NPAS2: variants seen among roughly 807,000 people sequenced by gnomAD.
NPAS2 encodes the protein neuronal PAS domain-containing protein 2.
Under a neutral mutation model 107.5 loss-of-function variants are expected in NPAS2, and 23 were observed. The observed-to-expected ratio is 0.21, with a 90% CI of 0.15 to 0.30. The LOEUF (loss-of-function observed/expected upper bound fraction) is 0.30. NPAS2 is among the 10% of genes least tolerant of loss of function. The pLI, the probability that NPAS2 is intolerant of heterozygous loss-of-function variation, is 1.00. For synonymous variants in NPAS2, 403 were observed against 417.5 expected, an observed-to-expected ratio of 0.97 and a Z score of 0.42; for missense variants, 756 against 1,043.3, an observed-to-expected ratio of 0.72 and a Z score of 3.79.
chr2:100,942,074 T>C (rs1470154424), intron 5 of NPAS2, among the ~76,000 whole-genome samples: 2 of 152,136 alleles, frequency 1.3e-5, no homozygotes, highest in African/African-American at 2.4e-5. Context: ...GTGAGAACTA[T>C]GTGCATGGAT....
intron 1 of NPAS2, among the ~76,000 whole-genome samples, chr2:100,849,295 G>T (rs1363296377): frequency 6.6e-6 from 1 of 152,190 alleles, no homozygotes; most frequent in African/African-American, 2.4e-5. Flanking sequence ...CCTAAATAGG[G>T]TCTTTAGCTA....
chr2:100,887,839 G>T (rs1004411790), intron 1 of NPAS2, among the ~76,000 whole-genome samples: 2 of 152,158 alleles, frequency 1.3e-5, no homozygotes, highest in Non-Finnish European at 1.5e-5. Flanking sequence ...CTCCGCGAAC[G>T]GGCCCTGCAT....
chr2:100,832,369 G>A (rs561327789), intron 1 of NPAS2, among the ~76,000 whole-genome samples: 18 of 152,186 alleles, frequency 1.2e-4, no homozygotes, highest in South Asian at 4.1e-4. Flanking sequence ...CTTACCTGAC[G>A]GTTGCCATGT....
chr2:100,995,965 C>T lies in NPAS2; in HGVS notation c.*383C>T. On this transcript the variant is annotated 3_prime_UTR_variant, in exon 21 of 21. Transcript: ENST00000335681. ...ATCTGCGCTAGCTGGCCTTCACGCT[C>T]TTGATCGTCTTTCCTTTGTATTGGA... 7.6e-7 allele frequency: 1 copy of T among 1,322,618 alleles called. No individual in the cohort carries two copies. The allele number at this position is 1,322,618 out of a possible 1,614,324, so 81.9% of individuals were successfully genotyped here.
chr2:100,903,815 C>T (rs58213503), intron 1 of NPAS2, among the ~76,000 whole-genome samples: 7,755 of 151,928 alleles, frequency 0.051, 675 homozygotes, highest in African/African-American at 0.18. Context: ...ACTTGGGGGG[C>T]GCACCCCAGA....
chr2:100,918,007 A>G (rs1378319750), intron 2 of NPAS2, among the ~76,000 whole-genome samples: 2 of 152,036 alleles, frequency 1.3e-5, no homozygotes, highest in Non-Finnish European at 2.9e-5. Context: ...AGCATTTTTC[A>G]TAAGTGTAGA....
At chr2:100,937,653 A>G (rs1573664699) in intron 4 of NPAS2, 100 bp from the exon 5 acceptor site, 7 of 863,264 alleles carry the variant, frequency 8.1e-6, no homozygotes, top group Non-Finnish European at 1.4e-5. Flanking sequence ...TGAGGATTAT[A>G]AAACAAAGCC....
At chr2:100,977,979 C>A (rs1295312096) in intron 15 of NPAS2, among the ~76,000 whole-genome samples, 180 bp downstream of exon 15, 1 of 152,158 alleles carries the variant, frequency 6.6e-6, no homozygotes, top group Non-Finnish European at 1.5e-5. Flanking sequence ...CCTCTCGTCT[C>A]CAAGTTCTTT....
chr2:100,973,053 C>T lies in NPAS2; in HGVS notation c.1141-1750C>T, dbSNP rs531757694. On this transcript the variant is annotated intron_variant, in intron 12 of 20. Transcript: ENST00000335681. ...AATTAGCCGGGCATGGTGGCGTGCA[C>T]CTGTAATCCCAGCTACTCAGGAGGC... Among the ~76,000 whole-genome samples, 3 of 152,192 alleles carry T rather than the reference C, an allele frequency of 2.0e-5. No individual in the cohort carries two copies. The South Asian group carries it at 6.2e-4, about 32-fold the overall frequency.
chr2:100,842,643 C>T (rs973222984), intron 1 of NPAS2, among the ~76,000 whole-genome samples: 2 of 152,088 alleles, frequency 1.3e-5, no homozygotes, highest in Non-Finnish European at 2.9e-5. Flanking sequence ...TTTCACAAAG[C>T]GGGTCCATAT....
rs1378464659 is a variant in NPAS2, at chr2:100,976,981, C to T, written c.1393-729C>T. On this transcript the variant is annotated intron_variant, in intron 14 of 20. Coordinates refer to ENST00000335681, the MANE Select transcript of NPAS2 (RefSeq NM_002518.4). The surrounding 1 kb of genome is among the most constrained non-coding windows in gnomAD (Gnocchi z 4.1). ...CATTTGAGCTGCTTTTTTATATAGG[C>T]CCTAGCAACTAGGGGCCGTGTCGGA... is the stretch of plus-strand genomic sequence containing the variant. 1 of 152,048 alleles carries T rather than the reference C, an allele frequency of 6.6e-6. No homozygotes were observed. The highest frequency in any genetic ancestry group is 1.5e-5 in the Non-Finnish European group (1 of 68,020). 9.4% of individuals were successfully genotyped at this position (152,048 alleles called of 1,614,324 possible).
Position 100,964,960 on chromosome 2 carries a change from A to G in NPAS2, c.800+17A>G, listed in dbSNP as rs758738199. 1 of 1,534,112 alleles carries G rather than the reference A, an allele frequency of 6.5e-7. No individual in the cohort carries two copies. The highest frequency in any genetic ancestry group is 8.8e-7 in the Non-Finnish European group (1 of 1,141,580). On this transcript the variant is annotated intron_variant, in intron 9 of 20. Coordinates refer to ENST00000335681, the MANE Select transcript of NPAS2 (RefSeq NM_002518.4). ...GGATCACAGGTTTGAGAAAAGAAAA[A>G]CATATTTGGGTTGGGCCCTTCTCAA...
In NPAS2 at chr2:100,864,880, A is replaced by G. The variant is rs1158252976; in HGVS notation, c.-22-39853A>G. Among the ~76,000 whole-genome samples the G allele has an allele frequency of 2.0e-5, 3 of 152,360 alleles. No individual in the cohort carries two copies. The East Asian group carries it at 5.8e-4, about 29-fold the overall frequency. ...CTGAGAACATTTAAAAATGTTTATTAATTCATTTAAAAATAATAAGTGCAT... is the reference window on the plus strand; with the variant it reads ...CTGAGAACATTTAAAAATGTTTATTGATTCATTTAAAAATAATAAGTGCAT... On this transcript the variant is annotated intron_variant, in intron 1 of 20. Transcript: ENST00000335681.
chr2:100,967,883 G>T (rs1676321873), intron 10 of NPAS2, among the ~76,000 whole-genome samples: 1 of 152,196 alleles, frequency 6.6e-6, no homozygotes, highest in Admixed American at 6.5e-5. Flanking sequence ...TTGCTGGCTG[G>T]CAGGTCTGTT....
intron 1 of NPAS2, among the ~76,000 whole-genome samples, chr2:100,892,328 C>T (rs981733103): frequency 6.6e-6 from 1 of 152,170 alleles, no homozygotes; most frequent in Non-Finnish European, 1.5e-5. Context: ...GCATATGTCA[C>T]CCTCTCTCTG....
intron 1 of NPAS2, among the ~76,000 whole-genome samples, chr2:100,894,976 G>A (rs1169583677): frequency 6.6e-6 from 1 of 152,230 alleles, no homozygotes; most frequent in Non-Finnish European, 1.5e-5. Context: ...TGTTGGCAAG[G>A]TGCCTTTTAA....
At chr2:100,940,203 T>TG (rs1193188455) in intron 5 of NPAS2, among the ~76,000 whole-genome samples, 2 of 152,178 alleles carry the variant, frequency 1.3e-5, no homozygotes, top group Admixed American at 6.5e-5. Flanking sequence ...ACTTCCACTA[T>TG]GGGGAGGAAG....
chr2:100,911,021 A>G (rs1403660051), intron 2 of NPAS2, among the ~76,000 whole-genome samples: 7 of 152,192 alleles, frequency 4.6e-5, no homozygotes, highest in Non-Finnish European at 4.4e-5. Context: ...TGCCGAAGTT[A>G]CCCAAAATGT....
rs148858541 is a variant in NPAS2 at position 100,850,953 on chromosome 2, C to CAAAAAAAAAA, written c.-23+30557_-23+30566dup. Among the ~76,000 whole-genome samples, 46 of 41,866 alleles carry CAAAAAAAAAA rather than the reference C, an allele frequency of 1.1e-3. 10 individuals carry two copies. The East Asian group carries it at 0.012, about 11-fold the overall frequency. 27.5% of individuals were successfully genotyped at this position (41,866 alleles called of 152,430 possible). A position where few individuals can be genotyped will look rare whatever the true frequency, so the allele number is the denominator to read the frequency against. ...GGGCAACAAGAGTGAAACTCTGTCT[C>CAAAAAAAAAA]AAAAAAAAAAAAAAAAAAAAAAAAA... On this transcript the variant is annotated intron_variant, in intron 1 of 20. Coordinates refer to ENST00000335681, the MANE Select transcript of NPAS2 (RefSeq NM_002518.4).
Sources: gnomAD v4.1 joint callset for allele counts (sites outside exome capture counted in the v4.1 genomes callset) on GRCh38, gnomAD v4.1.1 for gene constraint, Gnocchi (gnomAD v3.1) non-coding constraint, MANE v1.5 for transcripts, NCBI Gene and HGNC (gene_info 2026-07-23, HGNC 2026-07-21) for gene names.